The following PTGIS variants were observed in gnomAD, a reference collection of about 807,000 sequenced individuals.
PTGIS encodes the protein prostaglandin I2 synthase.
A neutral mutation model predicts 50.3 loss-of-function variants in PTGIS; 45 were observed. That is an observed-to-expected ratio of 0.90 (90% CI 0.70 to 1.15). The LOEUF (loss-of-function observed/expected upper bound fraction) is 1.15. Among genes scored for constraint, PTGIS ranks in the 50% most tolerant of loss-of-function variants. The pLI is 0.00. For missense variants in PTGIS, 668 were observed against 661.3 expected, an observed-to-expected ratio of 1.01 and a Z score of -0.11; for synonymous variants, 260 against 267.7, an observed-to-expected ratio of 0.97 and a Z score of 0.28.
At chr20:49,529,435 G>A (rs1470793924) in intron 5 of PTGIS, among the ~76,000 whole-genome samples, 1 of 152,122 alleles carries the variant, frequency 6.6e-6, no homozygotes, top group African/African-American at 2.4e-5. Context: ...CAAATGGCAG[G>A]ATTTCTCCCT....
chr20:49,546,729 G>A (rs1375477972), intron 3 of PTGIS, among the ~76,000 whole-genome samples: 1 of 152,146 alleles, frequency 6.6e-6, no homozygotes, highest in East Asian at 1.9e-4. Context: ...TGTAAAATAA[G>A]GATAAAAATG....
At chr20:49,527,675 G>A (rs556712979) in intron 5 of PTGIS, among the ~76,000 whole-genome samples, 22 of 152,170 alleles carry the variant, frequency 1.4e-4, no homozygotes, top group South Asian at 4.1e-4. Flanking sequence ...AATAGATAAC[G>A]GCATGGTTAT....
chr20:49,516,432 G>A (rs8116613), intron 6 of PTGIS, among the ~76,000 whole-genome samples: 4,007 of 152,056 alleles, frequency 0.026, 169 homozygotes, highest in African/African-American at 0.092. Flanking sequence ...GCACCACCAT[G>A]CCCGGCTAAT....
In PTGIS at chr20:49,539,656, TC is replaced by T; in HGVS notation, c.586del (p.Asp196ThrfsTer140). On this transcript the variant is annotated frameshift_variant, in exon 5 of 10. Coordinates refer to ENST00000244043, the MANE Select transcript of PTGIS (RefSeq NM_000961.4). LOFTEE classifies it high-confidence loss of function. ...LPRTHESQAQDRVHSADVFHT... is the reference protein window; with the variant it reads ...LPRTHESQAQXRVHSADVFHT... ...GAAGACATCAGCTGAGTGGACGCGG[TC>T]CTGGGCCTGGCTTTCATGGGTGCGT... 2 of 1,613,898 alleles carry T rather than the reference TC, an allele frequency of 1.2e-6. No individual in the cohort carries two copies. Among genetic ancestry groups the T allele is most frequent in the Non-Finnish European group, 1.7e-6 (2 of 1,179,956 alleles).
chr20:49,525,590 T>A (rs990414216), intron 5 of PTGIS, among the ~76,000 whole-genome samples: 40 of 152,148 alleles, frequency 2.6e-4, no homozygotes, highest in African/African-American at 9.4e-4. Flanking sequence ...CTTCTTTTTT[T>A]TTTTTTAAAA....
chr20:49,515,675 A>G lies in PTGIS; in HGVS notation c.856-1280T>C, dbSNP rs149499284. ...GCTGGAAACAATCTCATGTCTATCA[A>G]TAAGAGATCAATGAGATCAATGAAG... On this transcript the variant is annotated intron_variant, in intron 6 of 9. Coordinates refer to ENST00000244043, the MANE Select transcript of PTGIS (RefSeq NM_000961.4). Among the ~76,000 whole-genome samples the G allele has an allele frequency of 6.1e-4, 93 of 152,332 alleles. 3 individuals are homozygous for G. The highest frequency in any genetic ancestry group is 2.2e-3 in the African/African-American group (92 of 41,572).
chr20:49,512,071 A>G (rs114770726), intron 8 of PTGIS, among the ~76,000 whole-genome samples: 3,659 of 150,986 alleles, frequency 0.024, 85 homozygotes, highest in African/African-American at 0.057. Flanking sequence ...ATGGATGGAT[A>G]AATGAGTAGA....
At chr20:49,533,008 T>C (rs1259109600) in intron 5 of PTGIS, among the ~76,000 whole-genome samples, 2 of 152,222 alleles carry the variant, frequency 1.3e-5, no homozygotes, top group African/African-American at 2.4e-5. Flanking sequence ...CCCACGGTGA[T>C]TGGCAGCCCA....
chr20:49,517,952 G>T (rs990411304), intron 6 of PTGIS, among the ~76,000 whole-genome samples: 1 of 152,240 alleles, frequency 6.6e-6, no homozygotes, highest in Non-Finnish European at 1.5e-5. Context: ...TCCACGCAGA[G>T]TGGGGCATAT....
chr20:49,526,051 G>C (rs760426866), intron 5 of PTGIS, among the ~76,000 whole-genome samples: 1 of 152,184 alleles, frequency 6.6e-6, no homozygotes, highest in African/African-American at 2.4e-5. Context: ...ATAAGCTTAA[G>C]TGTTCAACTG....
intron 1 of PTGIS, 69 bp from the exon 2 acceptor site, chr20:49,550,258 A>T: frequency 6.3e-7 from 1 of 1,588,426 alleles, no homozygotes; most frequent in Non-Finnish European, 8.6e-7. Flanking sequence ...TAGGTTGCAG[A>T]GTGTGATTTT....
At chr20:49,532,851 T>C (rs1404767591) in intron 5 of PTGIS, among the ~76,000 whole-genome samples, 6 of 152,178 alleles carry the variant, frequency 3.9e-5, no homozygotes, top group African/African-American at 1.4e-4. Flanking sequence ...GCTCATAGGA[T>C]GGTCAGGAGG....
At chr20:49,549,952 G>A (rs1033640665) in intron 2 of PTGIS, 114 bp downstream of exon 2, 63 of 1,551,886 alleles carry the variant, frequency 4.1e-5, no homozygotes, top group Non-Finnish European at 5.0e-5. Context: ...GATGGATGTT[G>A]GATGGTGGGG....
chr20:49,514,323 G>A lies in PTGIS; in HGVS notation c.928C>T (p.Arg310Cys), dbSNP rs745642215. 2.4e-5 allele frequency: 38 copies of A among 1,614,098 alleles called. No individual in the cohort carries two copies. The highest frequency in any genetic ancestry group is 1.6e-4 in the Middle Eastern group (1 of 6,062). The change falls in exon 7 of 10, where the codon CGC becomes TGC. Residue 310 changes from arginine (R) to cysteine (C), a missense_variant. Physicochemically the swap from Arg to Cys is radical, Grantham distance 180. Coordinates refer to ENST00000244043, the MANE Select transcript of PTGIS (RefSeq NM_000961.4). ...CAAAGGATACTCTCGAGCTCTCCGC[G>A]GACAGCAGCCAGGGCTTCAGGATTC... ...LKNPEALAAV[R>C]GELESILWQA...
At chr20:49,518,269 G>C (rs1257719606) in intron 6 of PTGIS, among the ~76,000 whole-genome samples, 1 of 152,210 alleles carries the variant, frequency 6.6e-6, no homozygotes, top group East Asian at 1.9e-4. Context: ...ACTCTGCTGA[G>C]GGACACCAGC....
chr20:49,538,204 G>A (rs1018576250), intron 5 of PTGIS, among the ~76,000 whole-genome samples: 24 of 142,538 alleles, frequency 1.7e-4, no homozygotes, highest in African/African-American at 6.3e-4. Flanking sequence ...GCAGTGAGCC[G>A]AGATCGCACC....
rs79228506 is a variant in PTGIS, at chr20:49,564,744, T to C, written c.74+3299A>G. Among the ~76,000 whole-genome samples the C allele has an allele frequency of 5.2e-3, 793 of 152,236 alleles. 6 individuals are homozygous for C. Among genetic ancestry groups the C allele is most frequent in the African/African-American group, 0.018 (762 of 41,520 alleles). On this transcript the variant is annotated intron_variant, in intron 1 of 9. Coordinates refer to ENST00000244043, the MANE Select transcript of PTGIS (RefSeq NM_000961.4). ...TAGTGGTGTCTTACTGGGATAAGCA[T>C]GAATTTTGGAGGGGCCTAGATGTGG...
intron 5 of PTGIS, among the ~76,000 whole-genome samples, chr20:49,530,294 C>T (rs1019962444): frequency 3.3e-5 from 5 of 152,172 alleles, no homozygotes; most frequent in African/African-American, 1.2e-4. Flanking sequence ...TAAGAGGGGG[C>T]CATTGTACCA....
intron 1 of PTGIS, among the ~76,000 whole-genome samples, chr20:49,560,703 G>A (rs1158467875): frequency 6.6e-6 from 1 of 152,180 alleles, no homozygotes; most frequent in Admixed American, 6.5e-5. Context: ...ACAGGCAGAG[G>A]CAACAGCAAG....
Sources: gnomAD v4.1 joint callset for allele counts (sites outside exome capture counted in the v4.1 genomes callset) on GRCh38, gnomAD v4.1.1 for gene constraint, MANE v1.5 for transcripts, NCBI Gene and HGNC (gene_info 2026-07-23, HGNC 2026-07-21) for gene names.